The following PCMTD1 variants were observed in gnomAD, a reference collection of about 807,000 sequenced individuals.
PCMTD1 encodes protein-L-isoaspartate (D-aspartate) O-methyltransferase domain containing 1.
PCMTD1 carries 12 observed loss-of-function variants against 37.6 expected under a neutral mutation model. That is an observed-to-expected ratio of 0.32 (90% CI 0.20 to 0.52). PCMTD1 has a LOEUF of 0.52. PCMTD1 is among the 20% of genes least tolerant of loss of function. The pLI is 0.97. For missense variants in PCMTD1, 235 were observed against 421.3 expected (o/e 0.56, Z 3.87); for synonymous variants, 117 against 135.8 (o/e 0.86, Z 0.96).
intron 1 of PCMTD1, among the ~76,000 whole-genome samples, chr8:51,866,608 C>A (rs1435278992): frequency 6.6e-6 from 1 of 151,884 alleles, no homozygotes. Context: ...CCTTATCTCA[C>A]AACATATACA....
intron 3 of PCMTD1, among the ~76,000 whole-genome samples, chr8:51,835,508 T>G (rs1423128162): frequency 6.6e-6 from 1 of 152,218 alleles, no homozygotes; most frequent in Non-Finnish European, 1.5e-5. Flanking sequence ...TCACATGGTT[T>G]AATCATCTTA....
intron 3 of PCMTD1, among the ~76,000 whole-genome samples, chr8:51,833,963 T>C (rs1465692008): frequency 6.6e-6 from 1 of 152,122 alleles, no homozygotes; most frequent in Non-Finnish European, 1.5e-5. Context: ...GTAAATATAA[T>C]GAAAAGTCCA....
At chr8:51,840,248 T>C (rs974739183) in intron 3 of PCMTD1, among the ~76,000 whole-genome samples, 5 of 152,324 alleles carry the variant, frequency 3.3e-5, no homozygotes, top group Admixed American at 6.5e-5. Flanking sequence ...GTAAGTCATA[T>C]AAAGGTGAGC....
At chr8:51,858,014 A>G (rs2038416291) in intron 2 of PCMTD1, among the ~76,000 whole-genome samples, 1 of 152,110 alleles carries the variant, frequency 6.6e-6, no homozygotes, top group Admixed American at 6.5e-5. Context: ...TAAATTAATA[A>G]TAATAATAAT....
intron 3 of PCMTD1, among the ~76,000 whole-genome samples, chr8:51,844,237 G>C (rs953575761): frequency 5.3e-5 from 8 of 152,084 alleles, no homozygotes; most frequent in African/African-American, 1.9e-4. Context: ...TGCTTTTCTT[G>C]GAACTAGGAT....
At position 51,891,621 on chromosome 8, in the gene PCMTD1, G is replaced by A. The variant is rs1349531075; in HGVS notation, c.-96+7309C>T. 4.1e-5 allele frequency among the ~76,000 whole-genome samples: 6 copies of A among 144,810 alleles called. No homozygotes were observed. The South Asian group carries it at 1.1e-3, about 26-fold the overall frequency. ...GCATAGAATGCCTGGAAAATAAAGAGAATATATCATTATTCAGTAAATTAT... is the reference window on the plus strand; with the variant it reads ...GCATAGAATGCCTGGAAAATAAAGAAAATATATCATTATTCAGTAAATTAT... On this transcript the variant is annotated intron_variant, in intron 1 of 5. Coordinates refer to ENST00000522514, the MANE Select transcript of PCMTD1 (RefSeq NM_052937.4).
intron 2 of PCMTD1, among the ~76,000 whole-genome samples, chr8:51,854,459 C>T (rs998488981): frequency 3.3e-5 from 5 of 152,086 alleles, no homozygotes; most frequent in African/African-American, 1.2e-4. Context: ...AGAAGCCTAA[C>T]TAGGACTAAG....
At chr8:51,835,437 G>A (rs538012557) in intron 3 of PCMTD1, among the ~76,000 whole-genome samples, 29 of 151,984 alleles carry the variant, frequency 1.9e-4, no homozygotes, top group African/African-American at 5.6e-4. Flanking sequence ...CCATAATCTC[G>A]GATTGTTTAA....
intron 1 of PCMTD1, among the ~76,000 whole-genome samples, chr8:51,893,794 C>G (rs2038966164): frequency 2.0e-5 from 3 of 152,126 alleles, no homozygotes; most frequent in Admixed American, 1.3e-4. Flanking sequence ...CAATTAAAAA[C>G]TCAAACAAGC....
intron 2 of PCMTD1, among the ~76,000 whole-genome samples, chr8:51,852,933 CACT>C (rs1226849396): frequency 6.6e-6 from 1 of 152,158 alleles, no homozygotes; most frequent in African/African-American, 2.4e-5. Flanking sequence ...ATCTTTTGTA[CACT>C]GGAGAAGAAA....
chr8:51,892,912 A>G (rs2038955133), intron 1 of PCMTD1, among the ~76,000 whole-genome samples: 1 of 152,254 alleles, frequency 6.6e-6, no homozygotes, highest in African/African-American at 2.4e-5. Context: ...CCAGGGGGGA[A>G]AATGGGAGGC....
At chr8:51,833,220 A>C (rs968052832) in intron 4 of PCMTD1, among the ~76,000 whole-genome samples, 1 of 152,118 alleles carries the variant, frequency 6.6e-6, no homozygotes, top group African/African-American at 2.4e-5. Context: ...ATCACATTCA[A>C]CTTCTGGGTA....
At chr8:51,883,207 A>T (rs1017624490) in intron 1 of PCMTD1, among the ~76,000 whole-genome samples, 70 of 152,262 alleles carry the variant, frequency 4.6e-4, no homozygotes, top group African/African-American at 1.6e-3. Flanking sequence ...ATCAACAAGG[A>T]ATATAATAGC....
chr8:51,873,711 G>A (rs375703632), intron 1 of PCMTD1, among the ~76,000 whole-genome samples: 5 of 152,018 alleles, frequency 3.3e-5, no homozygotes, highest in South Asian at 2.1e-4. Flanking sequence ...CTCCCCCTAC[G>A]CTCTCTGGCT....
At chr8:51,893,047 G>A (rs1368046507) in intron 1 of PCMTD1, among the ~76,000 whole-genome samples, 2 of 152,114 alleles carry the variant, frequency 1.3e-5, no homozygotes, top group Non-Finnish European at 2.9e-5. Context: ...TATCTTCAAA[G>A]AAGTATTTAT....
intron 3 of PCMTD1, among the ~76,000 whole-genome samples, chr8:51,841,185 T>C (rs2038142654): frequency 6.6e-6 from 1 of 152,170 alleles, no homozygotes; most frequent in African/African-American, 2.4e-5. Flanking sequence ...TGAACACCAA[T>C]TAATATTGTC....
At chr8:51,837,815 TGTTGC>T (rs1222599162) in intron 3 of PCMTD1, among the ~76,000 whole-genome samples, 3 of 152,220 alleles carry the variant, frequency 2.0e-5, no homozygotes, top group African/African-American at 7.2e-5. Context: ...GGTCTTGCTT[TGTTGC>T]CCAGGCTGGA....
At chr8:51,847,657 C>T (rs1032416186) in intron 2 of PCMTD1, among the ~76,000 whole-genome samples, 4 of 152,044 alleles carry the variant, frequency 2.6e-5, no homozygotes, top group African/African-American at 9.7e-5. Flanking sequence ...AATAAAACTA[C>T]ACTTACTTAA....
chr8:51,845,499 G>C, intron 3 of PCMTD1, 162 bp downstream of exon 3: 1 of 518,222 alleles, frequency 1.9e-6, no homozygotes, highest in Non-Finnish European at 3.4e-6. Context: ...TATAGTAAAA[G>C]TTATACCACA....
Sources: gnomAD v4.1 joint callset for allele counts (sites outside exome capture counted in the v4.1 genomes callset) on GRCh38, gnomAD v4.1.1 for gene constraint, MANE v1.5 for transcripts, NCBI Gene and HGNC (gene_info 2026-07-23, HGNC 2026-07-21) for gene names.